The following ACOT11 variants were observed in gnomAD, a reference collection of about 807,000 sequenced individuals.
ACOT11 encodes acyl-CoA thioesterase 11.
Under a neutral mutation model 77.5 loss-of-function variants are expected in ACOT11, and 69 were observed. That is an observed-to-expected ratio of 0.89 (90% confidence interval 0.73 to 1.09). The LOEUF (loss-of-function observed/expected upper bound fraction) is 1.09. Among genes scored for constraint, ACOT11 ranks in the 50% least tolerant of loss-of-function variants. ACOT11 has a pLI of 0.00. For synonymous variants in ACOT11, 279 were observed against 313.0 expected (o/e 0.89, Z 1.15); for missense variants, 766 against 813.7 (o/e 0.94, Z 0.71).
In ACOT11 at chr1:54,557,255, G is replaced by A. The variant is rs530520778; in HGVS notation, c.33+8913G>A. Among the ~76,000 whole-genome samples the A allele has an allele frequency of 3.3e-5, 5 of 151,796 alleles. No homozygotes were observed. In the South Asian group the frequency reaches 1.0e-3, roughly 32 times the overall value. On this transcript the variant is annotated intron_variant, in intron 1 of 15. Coordinates refer to ENST00000343744, the MANE Select transcript of ACOT11 (RefSeq NM_147161.4). ...AAAAATACAAAAATTAGTCAGGTATGGTGGTGCGCACCTGTAATCCCAGCT... is the reference window on the plus strand; with the variant it reads ...AAAAATACAAAAATTAGTCAGGTATAGTGGTGCGCACCTGTAATCCCAGCT...
At chr1:54,630,407 G>T (rs1363418200) in intron 15 of ACOT11, among the ~76,000 whole-genome samples, 2 of 152,194 alleles carry the variant, frequency 1.3e-5, no homozygotes, top group Non-Finnish European at 2.9e-5. Context: ...GAAGGTTGTG[G>T]GTTTACGGGA....
At chr1:54,614,734 TG>T (rs767811115), downstream of ACOT11, 25 of 1,613,910 alleles carry the variant, frequency 1.5e-5, 1 homozygote, top group Middle Eastern at 1.6e-4. Context: ...ATGAGCATGT[TG>T]GGGCCCTTTA....
downstream of ACOT11, among the ~76,000 whole-genome samples, chr1:54,613,485 G>A (rs929515955): frequency 6.7e-6 from 1 of 150,006 alleles, no homozygotes; most frequent in Non-Finnish European, 1.5e-5. Flanking sequence ...ACGTGGTCTC[G>A]CTGTGTTGCC....
At chr1:54,611,615 G>A (rs372549257), downstream of ACOT11, 2 of 1,613,748 alleles carry the variant, frequency 1.2e-6, no homozygotes, top group African/African-American at 1.3e-5. Context: ...CAGGCCAGCT[G>A]CTTGAACTGT....
Position 54,584,822 on chromosome 1 carries a change from G to A in ACOT11, c.201G>A (p.Gly67=). The change falls in exon 2 of 16, where the codon GGG becomes GGA. Residue 67 remains glycine, a synonymous_variant. Coordinates refer to ENST00000343744, the MANE Select transcript of ACOT11 (RefSeq NM_147161.4). The surrounding 1 kb of genome is among the most constrained non-coding windows in gnomAD (Gnocchi z 6.3). The stretch of plus-strand genomic sequence containing the variant: ...ACCAACGTGGTGAGCTGAGCGTCGG[G>A]CAGCTGCTCAAGTGGATTGACACCA... ...HTNQRGELSV[G]QLLKWIDTTA... 6.2e-7 allele frequency: 1 copy of A among 1,614,056 alleles called. No individual in the cohort carries two copies. The highest frequency in any genetic ancestry group is 1.1e-5 in the South Asian group (1 of 91,076).
chr1:54,611,156 C>A, downstream of ACOT11: 2 of 539,498 alleles, frequency 3.7e-6, no homozygotes, highest in Non-Finnish European at 4.7e-6. Flanking sequence ...ATGTGTGGGT[C>A]AGGCAGGTGG....
chr1:54,619,797 C>T, intron 15 of ACOT11: 2 of 1,536,226 alleles, frequency 1.3e-6, no homozygotes, highest in Non-Finnish European at 1.8e-6. Flanking sequence ...GTCTGATCCT[C>T]ACTTCTCTCC....
At chr1:54,593,828 A>G in intron 4 of ACOT11, 113 bp from the exon 5 acceptor site, 1 of 867,916 alleles carries the variant, frequency 1.2e-6, no homozygotes, top group East Asian at 2.5e-5. Context: ...GTGGTGCAGA[A>G]ACTCTGGAGG....
intron 8 of ACOT11, among the ~76,000 whole-genome samples, chr1:54,600,328 T>A (rs1643946206): frequency 1.3e-5 from 2 of 152,182 alleles, no homozygotes; most frequent in Non-Finnish European, 2.9e-5. Context: ...GTCCACACTC[T>A]GCAATCATAG....
chr1:54,608,012 GGA>G lies in ACOT11; in HGVS notation c.1578_1579del (p.Glu526AspfsTer42). On this transcript the variant is annotated frameshift_variant, in exon 15 of 16. Coordinates refer to ENST00000343744, the MANE Select transcript of ACOT11 (RefSeq NM_147161.4). LOFTEE classifies it high-confidence loss of function. Reference protein sequence around the residue: ...THRETPEYRRGETLCSGFCLW... With the variant: ...THRETPEYRRXETLCSGFCLW... ...CCGAGAGACGCCAGAGTACAGACGCGGAGAGACCCTCTGCTCAGGCTTCTGCC... is the reference window on the plus strand; with the variant it reads ...CCGAGAGACGCCAGAGTACAGACGCGGAGACCCTCTGCTCAGGCTTCTGCC... 1 of 1,613,548 alleles carries G rather than the reference GGA, an allele frequency of 6.2e-7. No homozygotes were observed. The highest frequency in any genetic ancestry group is 1.1e-5 in the South Asian group (1 of 91,050).
chr1:54,585,947 C>T, intron 3 of ACOT11, 43 bp downstream of exon 3: 2 of 1,602,460 alleles, frequency 1.2e-6, no homozygotes, highest in Non-Finnish European at 1.7e-6. Flanking sequence ...GGCTCCCTCC[C>T]ATCAGCCTGG....
rs746809101 is a variant in ACOT11 at position 54,602,655 on chromosome 1, G to A, written c.1030-14G>A. ...GTGGGGGTAGCTGGTTGCCTATCCC[G>A]ACTTCCTCCCCAGGATGGTGAGCGG... On this transcript the variant is annotated splice_polypyrimidine_tract_variant and intron_variant, in intron 9 of 15. Transcript: ENST00000343744. The A allele has an allele frequency of 1.2e-5, 18 of 1,525,140 alleles. No individual in the cohort carries two copies. The highest frequency in any genetic ancestry group is 1.0e-4 in the South Asian group (8 of 79,798). The allele number at this position is 1,525,140 out of a possible 1,614,324, so 94.5% of individuals were successfully genotyped here. A position where few individuals can be genotyped will look rare whatever the true frequency, so the allele number is the denominator to read the frequency against.
chr1:54,583,490 C>G lies in ACOT11; in HGVS notation c.34-1165C>G, dbSNP rs115222830. On this transcript the variant is annotated intron_variant, in intron 1 of 15. Coordinates refer to ENST00000343744, the MANE Select transcript of ACOT11 (RefSeq NM_147161.4). ...AGGCTCACCATTGGGGCATGCTGCT[C>G]TTTGCCACTACAGCCAAGCCCAGGT... Among the ~76,000 whole-genome samples the G allele has an allele frequency of 9.3e-3, 1,409 of 152,294 alleles. 12 individuals are homozygous for G. Among genetic ancestry groups the G allele is most frequent in the Middle Eastern group, 0.041 (12 of 294 alleles).
intron 1 of ACOT11, among the ~76,000 whole-genome samples, chr1:54,570,777 T>A (rs1047042090): frequency 4.6e-5 from 7 of 151,754 alleles, no homozygotes; most frequent in African/African-American, 7.3e-5. Context: ...ACCTCCCAGG[T>A]TCAAGCGACT....
chr1:54,612,571 G>C, downstream of ACOT11: 1 of 1,614,070 alleles, frequency 6.2e-7, no homozygotes, highest in Non-Finnish European at 8.5e-7. Flanking sequence ...ACCCTCTGGG[G>C]CACTCCTCCC....
At chr1:54,604,894 C>T (rs1644006891) in intron 12 of ACOT11, among the ~76,000 whole-genome samples, 182 bp from the exon 13 acceptor site, 1 of 152,238 alleles carries the variant, frequency 6.6e-6, no homozygotes, top group Admixed American at 6.5e-5. Context: ...AGCCACCTTC[C>T]TGTCCATTTG....
At chr1:54,562,320 A>AC (rs1287180748) in intron 1 of ACOT11, among the ~76,000 whole-genome samples, 18 of 56,700 alleles carry the variant, frequency 3.2e-4, no homozygotes, top group African/African-American at 1.4e-3. Context: ...GGGGGGGCTG[A>AC]CCCCCCCATC....
intron 16 of ACOT11, among the ~76,000 whole-genome samples, chr1:54,633,454 C>T (rs1644312814): frequency 6.6e-6 from 1 of 152,202 alleles, no homozygotes; most frequent in African/African-American, 2.4e-5. Flanking sequence ...AAAAAATTGG[C>T]CTTTTAATAG....
chr1:54,554,346 TATA>T (rs1653182141), intron 1 of ACOT11, among the ~76,000 whole-genome samples: 3 of 103,150 alleles, frequency 2.9e-5, no homozygotes, highest in African/African-American at 6.8e-5. Context: ...TATATATATA[TATA>T]TATTTTTTTT....
Sources: allele counts gnomAD v4.1 joint callset (sites outside exome capture counted in the v4.1 genomes callset), GRCh38; gene constraint gnomAD v4.1.1; non-coding constraint Gnocchi (gnomAD v3.1); transcripts MANE v1.5; gene names NCBI Gene and HGNC (gene_info 2026-07-23, HGNC 2026-07-21).